ZNF782: variants seen among roughly 807,000 people sequenced by gnomAD.
ZNF782 encodes zinc finger protein 782.
A neutral mutation model predicts 13.0 loss-of-function variants in ZNF782; 12 were observed. That is an observed-to-expected ratio of 0.92 (90% CI 0.59 to 1.50). ZNF782 has a LOEUF of 1.50. Among genes scored for constraint, ZNF782 ranks in the 40% most tolerant of loss-of-function variants. The pLI, the probability that ZNF782 is intolerant of heterozygous loss-of-function variation, is 0.00. For synonymous variants in ZNF782, 284 were observed against 283.0 expected (o/e 1.00, Z -0.04); for missense variants, 770 against 822.9 (o/e 0.94, Z 0.79).
rs369287902 is a variant in ZNF782, at chr9:96,851,931, T to G, written c.15+16A>C. ...ATCCATTACAATACAAAGTGGGGAA[T>G]GAATAAAAAGCTTACCTGAAATGTG... On this transcript the variant is annotated intron_variant, in intron 3 of 5. Coordinates refer to ENST00000481138, the MANE Select transcript of ZNF782 (RefSeq NM_001001662.3). 14 of 1,613,190 alleles carry G rather than the reference T, an allele frequency of 8.7e-6. No individual in the cohort carries two copies. In the African/African-American group the frequency reaches 1.9e-4, roughly 22 times the overall value.
At chr9:96,843,499 C>G (rs1851250541) in intron 4 of ZNF782, among the ~76,000 whole-genome samples, 1 of 152,168 alleles carries the variant, frequency 6.6e-6, no homozygotes, top group Non-Finnish European at 1.5e-5. Context: ...GATTAGTAGT[C>G]AGCAGAGATC....
chr9:96,923,313 T>C, the ZNF782 span, among the ~76,000 whole-genome samples: 1 of 150,312 alleles, frequency 6.7e-6, no homozygotes, highest in Non-Finnish European at 1.5e-5. Context: ...CCTGCACATA[T>C]GTAATCACAC....
the ZNF782 span, among the ~76,000 whole-genome samples, chr9:96,913,671 G>A: frequency 6.6e-5 from 10 of 151,432 alleles, no homozygotes; most frequent in Non-Finnish European, 7.4e-5. Flanking sequence ...TACAGGCATG[G>A]GCCACCACAC....
chr9:96,861,714 A>T (rs949828192), intron 1 of ZNF782: 3 of 154,198 alleles, frequency 1.9e-5, no homozygotes, highest in African/African-American at 7.2e-5. Flanking sequence ...ACAGTGAGGG[A>T]TCATCTCACC....
chr9:96,855,260 T>C (rs1029420010), upstream of ZNF782, among the ~76,000 whole-genome samples: 1 of 152,236 alleles, frequency 6.6e-6, no homozygotes, highest in South Asian at 2.1e-4. Flanking sequence ...GCTGATTGTT[T>C]TTTATTTCCG....
chr9:96,932,488 G>C, the ZNF782 span: 1 of 1,140,814 alleles, frequency 8.8e-7, no homozygotes, highest in Non-Finnish European at 1.3e-6. Context: ...ATGGACAGGA[G>C]GTCACACTGT....
intron 1 of ZNF782, among the ~76,000 whole-genome samples, chr9:96,870,929 G>A (rs1482510144): frequency 1.3e-5 from 2 of 152,150 alleles, no homozygotes; most frequent in African/African-American, 4.8e-5. Context: ...CATATCCTCT[G>A]TAAGCACTTC....
Position 96,819,536 on chromosome 9 carries a change from GAGCCTTTTCT to G in ZNF782, c.477_486del (p.Lys159AsnfsTer32). 1 of 1,612,580 alleles carries G rather than the reference GAGCCTTTTCT, an allele frequency of 6.2e-7. No homozygotes were observed. The highest frequency in any genetic ancestry group is 1.3e-5 in the African/African-American group (1 of 74,872). ...CATTTGTCACAAACATTACGCTCAT[GAGCCTTTTCT>G]TTTGAATACTGACAGTGTGGGGCCA... On this transcript the variant is annotated frameshift_variant, in exon 6 of 6. Coordinates refer to ENST00000481138, the MANE Select transcript of ZNF782 (RefSeq NM_001001662.3). LOFTEE classifies it low-confidence loss of function (END_TRUNC).
chr9:96,865,988 G>A (rs1851749662), intron 1 of ZNF782, among the ~76,000 whole-genome samples: 1 of 152,170 alleles, frequency 6.6e-6, no homozygotes, highest in African/African-American at 2.4e-5. Context: ...TGTCTTGGGT[G>A]TTGCTAAAGG....
intron 1 of ZNF782, among the ~76,000 whole-genome samples, chr9:96,873,495 T>G (rs1238627145): frequency 6.6e-6 from 1 of 152,122 alleles, no homozygotes; most frequent in Non-Finnish European, 1.5e-5. Context: ...AGTCCAGCAG[T>G]TCAACACCAG....
At chr9:96,929,228 A>C in the ZNF782 span, among the ~76,000 whole-genome samples, 2 of 152,122 alleles carry the variant, frequency 1.3e-5, no homozygotes, top group African/African-American at 4.8e-5. Context: ...AGGGCTCCTT[A>C]GAGGCGGACC....
intron 3 of ZNF782, among the ~76,000 whole-genome samples, chr9:96,849,124 A>G (rs1022192548): frequency 2.0e-5 from 3 of 152,188 alleles, no homozygotes; most frequent in Admixed American, 6.5e-5. Context: ...GGCACCAGGA[A>G]CTGGTTTCCT....
intron 3 of ZNF782, among the ~76,000 whole-genome samples, chr9:96,849,736 A>C (rs1851437309): frequency 6.6e-6 from 1 of 152,248 alleles, no homozygotes; most frequent in Non-Finnish European, 1.5e-5. Context: ...GCCAACCCAC[A>C]GAATGGGAGA....
rs746206636 is a variant in ZNF782 at position 96,818,599 on chromosome 9, T to A, written c.1424A>T (p.Glu475Val). Residue 475 changes from glutamate to valine, a missense_variant, in exon 6 of 6, where the codon GAG becomes GTG. Physicochemically the swap from Glu to Val is moderately radical, Grantham distance 121. Transcript: ENST00000481138. Reference sequence around the variant, plus strand: ...GCATTCATTACATTCAAAAGGTTTCTCCCCTGTGTGAGTTCTCTGATGCAC... The same window carrying A: ...GCATTCATTACATTCAAAAGGTTTCACCCCTGTGTGAGTTCTCTGATGCAC... ...LIVHQRTHTG[E>V]KPFECNECGK... 47 of 1,614,056 alleles carry A rather than the reference T, an allele frequency of 2.9e-5. No homozygotes were observed. The Admixed American group carries it at 7.8e-4, about 27-fold the overall frequency.
At chr9:96,888,259 C>T in the ZNF782 span, 1 of 151,676 alleles carries the variant, frequency 6.6e-6, no homozygotes, top group Admixed American at 6.6e-5. Context: ...TATATTAATA[C>T]TAATACAGTA....
At chr9:96,837,451 A>C (rs1851036422) in intron 4 of ZNF782, among the ~76,000 whole-genome samples, 2 of 152,072 alleles carry the variant, frequency 1.3e-5, no homozygotes, top group African/African-American at 4.8e-5. Context: ...TCTAGTTAAA[A>C]GTTTATCAAT....
At chr9:96,892,984 A>C in the ZNF782 span, 1 of 151,982 alleles carries the variant, frequency 6.6e-6, no homozygotes, top group Non-Finnish European at 1.5e-5. Context: ...AGTGACTCTC[A>C]TAACACCCTC....
chr9:96,861,000 A>G (rs1334377706), intron 2 of ZNF782, among the ~76,000 whole-genome samples: 3 of 152,260 alleles, frequency 2.0e-5, no homozygotes, highest in African/African-American at 7.2e-5. Flanking sequence ...TAATCCCAGC[A>G]CTTTGGGAGG....
intron 5 of ZNF782, among the ~76,000 whole-genome samples, chr9:96,822,435 T>G (rs1850454921): frequency 6.6e-6 from 1 of 151,956 alleles, no homozygotes; most frequent in Admixed American, 6.6e-5. Flanking sequence ...AACACATCTA[T>G]CAAGTAGGTT....
Sources: gnomAD v4.1 joint callset for allele counts (sites outside exome capture counted in the v4.1 genomes callset) on GRCh38, gnomAD v4.1.1 for gene constraint, MANE v1.5 for transcripts, NCBI Gene and HGNC (gene_info 2026-07-23, HGNC 2026-07-21) for gene names.